The following AMHR2 variants were observed in gnomAD, a reference collection of about 807,000 sequenced individuals.
AMHR2 encodes the protein anti-Muellerian hormone type-2 receptor.
In AMHR2, 36 loss-of-function variants were observed where a neutral mutation model predicts 61.4. That is an observed-to-expected ratio of 0.59 (90% CI 0.45 to 0.77). The LOEUF is 0.77. AMHR2 is among the 30% of genes least tolerant of loss of function. The probability of loss-of-function intolerance (pLI) is 0.00; values close to 1 mark genes in which losing one functional copy is unlikely to be tolerated. For synonymous variants in AMHR2, 258 were observed against 279.4 expected, an observed-to-expected ratio of 0.92 and a Z score of 0.76; for missense variants, 638 against 714.6, an observed-to-expected ratio of 0.89 and a Z score of 1.22.
At chr12:53,429,343 G>A (rs1345180857) in intron 7 of AMHR2, 110 bp from the exon 8 acceptor site, 1 of 1,225,600 alleles carries the variant, frequency 8.2e-7, no homozygotes, top group Non-Finnish European at 1.2e-6. Flanking sequence ...AGTGAGCCGA[G>A]ATCGCGACAC....
At chr12:53,427,143 A>AGG (rs1939676099) in intron 6 of AMHR2, among the ~76,000 whole-genome samples, 1 of 152,164 alleles carries the variant, frequency 6.6e-6, no homozygotes, top group Non-Finnish European at 1.5e-5. Flanking sequence ...ATAGACTAGC[A>AGG]GGGGAGACAG....
At chr12:53,428,626 C>T (rs1939822724) in intron 6 of AMHR2, among the ~76,000 whole-genome samples, 1 of 152,128 alleles carries the variant, frequency 6.6e-6, no homozygotes, top group African/African-American at 2.4e-5. Flanking sequence ...GAGCACCTAC[C>T]TTCTAGGGTT....
Position 53,430,215 on chromosome 12 carries a change from T to C in AMHR2, c.1358T>C (p.Leu453Pro). The change falls in exon 10 of 11, where the codon CTA becomes CCA. Residue 453 changes from leucine (L) to proline (P), a missense_variant. By Grantham distance (98) the Leu-to-Pro change is moderately conservative. Transcript: ENST00000257863. ...ELGNTPTSDE[L>P]WALAVQERRR... ...GGCAATACCCCTACCTCTGATGAGCTATGGGCCTTGGCAGTGCAGGAGAGG... is the reference window on the plus strand; with the variant it reads ...GGCAATACCCCTACCTCTGATGAGCCATGGGCCTTGGCAGTGCAGGAGAGG... 1 of 1,614,166 alleles carries C rather than the reference T, an allele frequency of 6.2e-7. No individual in the cohort carries two copies. Among genetic ancestry groups the C allele is most frequent in the Non-Finnish European group, 8.5e-7 (1 of 1,180,026 alleles).
At position 53,428,886 on chromosome 12, in the gene AMHR2, G is replaced by A. The variant is rs3741664; in HGVS notation, c.853-10G>A. On this transcript the variant is annotated splice_polypyrimidine_tract_variant and intron_variant, in intron 6 of 10. Coordinates refer to ENST00000257863, the MANE Select transcript of AMHR2 (RefSeq NM_020547.3). ...TTGTGTACCATCCTTTTCTCTCTGC[G>A]TTTCCCCAGGGCTCCCTGTGCCACT... 268,541 of 1,547,110 alleles carry A rather than the reference G, an allele frequency of 0.17. 23,965 individuals are homozygous for A. Among genetic ancestry groups the A allele is most frequent in the Admixed American group, 0.2 (10,355 of 50,972 alleles).
intron 3 of AMHR2, 59 bp from the exon 4 acceptor site, chr12:53,425,106 G>T: frequency 6.2e-7 from 1 of 1,609,972 alleles, no homozygotes; most frequent in South Asian, 1.1e-5. Context: ...AGGAGGGGAA[G>T]AGCAGAGAGC....
chr12:53,428,285 G>A (rs968539660), intron 6 of AMHR2, among the ~76,000 whole-genome samples: 1 of 152,170 alleles, frequency 6.6e-6, no homozygotes, highest in Non-Finnish European at 1.5e-5. Flanking sequence ...TGTTGAATGA[G>A]GGGTTCTATT....
chr12:53,431,481 G>T lies in AMHR2; in HGVS notation c.*8G>T. The stretch of plus-strand genomic sequence containing the variant: ...ACCCTTTCTCCTGTGTAAATATGCA[G>T]TTTATGTGTCATCAATGTACATGCC... On this transcript the variant is annotated 3_prime_UTR_variant, in exon 11 of 11. Coordinates refer to ENST00000257863, the MANE Select transcript of AMHR2 (RefSeq NM_020547.3). 1 of 1,614,174 alleles carries T rather than the reference G, an allele frequency of 6.2e-7. No individual in the cohort carries two copies. The highest frequency in any genetic ancestry group is 2.2e-5 in the East Asian group (1 of 44,886).
intron 6 of AMHR2, among the ~76,000 whole-genome samples, chr12:53,428,091 G>T (rs1939776302): frequency 6.6e-6 from 1 of 152,114 alleles, no homozygotes; most frequent in Non-Finnish European, 1.5e-5. Flanking sequence ...AAAAATCACT[G>T]TTTTTTTGTT....
Position 53,425,147 on chromosome 12 carries a change from T to C in AMHR2, c.425-18T>C. 6.2e-7 allele frequency: 1 copy of C among 1,613,608 alleles called. No homozygotes were observed. The highest frequency in any genetic ancestry group is 8.5e-7 in the Non-Finnish European group (1 of 1,180,026). ...TGGGTCAGTGCTCTCCAGCCTGCAT[T>C]CTTGCCTTGATGTCCAGGTGAGTCC... On this transcript the variant is annotated intron_variant, in intron 3 of 10. Transcript: ENST00000257863.
In AMHR2 at chr12:53,431,247, A is replaced by G; in HGVS notation, c.1496A>G (p.Glu499Gly). 1 of 1,614,252 alleles carries G rather than the reference A, an allele frequency of 6.2e-7. No homozygotes were observed. The highest frequency in any genetic ancestry group is 8.5e-7 in the Non-Finnish European group (1 of 1,180,048). ...GACCCAGAAGCACGGCTGACAGCTG[A>G]GTGTGTACAGCAGCGCCTGGCTGCC... Reference protein sequence around the residue: ...DADPEARLTAECVQQRLAALA... With the variant: ...DADPEARLTAGCVQQRLAALA... The change falls in exon 11 of 11, where the codon GAG (glutamate) becomes GGG (glycine). Residue 499 changes from glutamate to glycine, a missense_variant. Coordinates refer to ENST00000257863, the MANE Select transcript of AMHR2 (RefSeq NM_020547.3).
chr12:53,429,851 G>A lies in AMHR2; in HGVS notation c.1161G>A (p.Met387Ile), dbSNP rs1235444583. 10 of 1,614,196 alleles carry A rather than the reference G, an allele frequency of 6.2e-6. No homozygotes were observed. Among genetic ancestry groups the A allele is most frequent in the Non-Finnish European group, 6.8e-6 (8 of 1,180,026 alleles). Residue 387 changes from methionine to isoleucine, a missense_variant, in exon 9 of 11, where the codon ATG becomes ATA. Transcript: ENST00000257863. ...AIMEAGTQRYMAPELLDKTLD... is the reference protein window; with the variant it reads ...AIMEAGTQRYIAPELLDKTLD... ...TCCAGGCTGGCACCCAGAGGTACAT[G>A]GCACCAGAGCTCTTGGACAAGACTC...
chr12:53,424,414 G>A lies in AMHR2; in HGVS notation c.176G>A (p.Arg59His), dbSNP rs371910684. 5.6e-5 allele frequency: 90 copies of A among 1,613,496 alleles called. 1 individual carries two copies. Among genetic ancestry groups the A allele is most frequent in the Middle Eastern group, 1.7e-4 (1 of 5,940 alleles). The change falls in exon 2 of 11, where the codon CGC (arginine) becomes CAC (histidine). Residue 59 changes from arginine to histidine, a missense_variant. By Grantham distance (29) the Arg-to-His change is conservative (BLOSUM62 0). Coordinates refer to ENST00000257863, the MANE Select transcript of AMHR2 (RefSeq NM_020547.3). ...AGAGCTATCCGCTGCCTCTACAGCC[G>A]CTGCTGCTTTGGGATCTGGAACCTG... Reference protein sequence around the residue: ...LPRAIRCLYSRCCFGIWNLTQ... With the variant: ...LPRAIRCLYSHCCFGIWNLTQ...
chr12:53,429,172 C>T (rs555528257), intron 7 of AMHR2, among the ~76,000 whole-genome samples, 162 bp downstream of exon 7: 64 of 152,214 alleles, frequency 4.2e-4, no homozygotes, highest in Middle Eastern at 3.4e-3. Flanking sequence ...GTGGGCGGAT[C>T]ACAAGGTCAG....
At chr12:53,430,830 C>G in intron 10 of AMHR2, 1 of 415,046 alleles carries the variant, frequency 2.4e-6, no homozygotes, top group Non-Finnish European at 4.5e-6. Flanking sequence ...CTGAAATTTC[C>G]ACGGCACAAG....
In AMHR2 at chr12:53,431,393, C is replaced by A; in HGVS notation, c.1642C>A (p.Arg548=). ...TACCATCCTCCCCTGTAGGCCTCAG[C>A]GGAGTGCCTGCCACTTCAGCGTTCA... ...APTILPCRPQ[R]SACHFSVQQG... Residue 548 remains arginine (R), a synonymous_variant, in exon 11 of 11, where the codon CGG becomes AGG. Transcript: ENST00000257863. The A allele has an allele frequency of 6.2e-7, 1 of 1,614,218 alleles. No homozygotes were observed. The highest frequency in any genetic ancestry group is 8.5e-7 in the Non-Finnish European group (1 of 1,180,042).
rs375087894 is a variant in AMHR2 at position 53,429,974 on chromosome 12, G to A, written c.1284G>A (p.Arg428=). The A allele has an allele frequency of 6.2e-7, 1 of 1,614,168 alleles. No individual in the cohort carries two copies. The highest frequency in any genetic ancestry group is 8.5e-7 in the Non-Finnish European group (1 of 1,180,030). ...TACTGAGCCGCTGCCCAGATTTGAGGCCTGGTAAGGATGGGTGGTACAGTC... is the reference window on the plus strand; with the variant it reads ...TACTGAGCCGCTGCCCAGATTTGAGACCTGGTAAGGATGGGTGGTACAGTC... ...WEILSRCPDL[R]PDSSPPPFQL... is the part of the protein sequence containing the mutation. Residue 428 remains arginine (R), a synonymous_variant, in exon 9 of 11, where the codon AGG becomes AGA. Coordinates refer to ENST00000257863, the MANE Select transcript of AMHR2 (RefSeq NM_020547.3).
chr12:53,431,063 A>T, intron 10 of AMHR2, 114 bp from the exon 11 acceptor site: 1 of 1,319,676 alleles, frequency 7.6e-7, no homozygotes, highest in African/African-American at 1.4e-5. Flanking sequence ...GCTCCAGGAA[A>T]GATCAGAAGT....
Position 53,429,505 on chromosome 12 carries a change from C to A in AMHR2, c.1020C>A (p.Leu340=), listed in dbSNP as rs370619917. The A allele has an allele frequency of 6.2e-7, 1 of 1,613,844 alleles. No individual in the cohort carries two copies. Among genetic ancestry groups the A allele is most frequent in the South Asian group, 1.1e-5 (1 of 91,052 alleles). The change falls in exon 8 of 11, where the codon CTC becomes CTA. Residue 340 remains leucine (L), a synonymous_variant. Coordinates refer to ENST00000257863, the MANE Select transcript of AMHR2 (RefSeq NM_020547.3). The part of the protein sequence containing the change: ...AHRDLSSQNV[L]IREDGSCAIG... ...GAGATCTGAGCAGCCAGAATGTGCT[C>A]ATTCGGGAAGATGGATCGTGTGCCA...
intron 4 of AMHR2, 84 bp downstream of exon 4, chr12:53,425,326 A>G (rs189740808): frequency 1.2e-6 from 2 of 1,606,788 alleles, no homozygotes; most frequent in Non-Finnish European, 1.7e-6. Context: ...CCCTGACCCC[A>G]TGGTCTTGGG....
Sources: allele counts gnomAD v4.1 joint callset (sites outside exome capture counted in the v4.1 genomes callset), GRCh38; gene constraint gnomAD v4.1.1; transcripts MANE v1.5; gene names NCBI Gene and HGNC (gene_info 2026-07-23, HGNC 2026-07-21).